The following NFATC1 variants were observed in gnomAD, a reference collection of about 807,000 sequenced individuals.
NFATC1 encodes the protein nuclear factor of activated T cells 1, also known as nuclear factor of activated T-cells, cytoplasmic 1.
NFATC1 carries 22 observed loss-of-function variants against 76.0 expected under a neutral mutation model. That is an observed-to-expected ratio of 0.29 (90% CI 0.21 to 0.41). The LOEUF (loss-of-function observed/expected upper bound fraction) is 0.41, where lower values mean the gene tolerates loss of function less well. Ranked by LOEUF, NFATC1 falls within the 10% of genes least tolerant of loss-of-function variation. The pLI, the probability that NFATC1 is intolerant of heterozygous loss-of-function variation, is 1.00. For synonymous variants in NFATC1, 704 were observed against 613.1 expected (o/e 1.15, Z -2.19); for missense variants, 1,357 against 1,337.7 (o/e 1.01, Z -0.23).
At chr18:79,402,767 C>G (rs1408996333) in intron 1 of NFATC1, among the ~76,000 whole-genome samples, 1 of 152,074 alleles carries the variant, frequency 6.6e-6, no homozygotes, top group Non-Finnish European at 1.5e-5. Flanking sequence ...TTTCTCCTTT[C>G]TTTTTATTAC....
Position 79,528,589 on chromosome 18 carries a change from T to C in NFATC1, c.*1012T>C, listed in dbSNP as rs977358634. The C allele has an allele frequency of 6.6e-6, 1 of 152,240 alleles. No individual in the cohort carries two copies. The highest frequency in any genetic ancestry group is 1.5e-5 in the Non-Finnish European group (1 of 68,044). 9.4% of individuals were successfully genotyped at this position (152,240 alleles called of 1,614,324 possible). The stretch of plus-strand genomic sequence containing the variant: ...GACCCTAGAAAGCCAGGAGCTGTGA[T>C]TGACAGTAGCTGTAGGTTACCAGAC... On this transcript the variant is annotated 3_prime_UTR_variant, in exon 10 of 10. Coordinates refer to ENST00000427363, the MANE Select transcript of NFATC1 (RefSeq NM_001278669.2).
chr18:79,464,669 T>TAC (rs1555911925), intron 7 of NFATC1, among the ~76,000 whole-genome samples: 57 of 122,290 alleles, frequency 4.7e-4, no homozygotes, highest in African/African-American at 1.9e-3. Context: ...TGTGTGTGTG[T>TAC]GTATATGTAT....
At chr18:79,487,072 C>T (rs1350303164) in intron 9 of NFATC1, 135 bp downstream of exon 9, 3 of 1,049,202 alleles carry the variant, frequency 2.9e-6, no homozygotes, top group East Asian at 5.6e-5. Flanking sequence ...TGGGGTGCGT[C>T]CTCCTGATAT....
intron 8 of NFATC1, 46 bp downstream of exon 8, chr18:79,467,628 G>C: frequency 3.7e-6 from 6 of 1,603,798 alleles, no homozygotes; most frequent in Non-Finnish European, 5.1e-6. Context: ...GAGCGCGTGG[G>C]GTGCTTTTTC....
intron 6 of NFATC1, among the ~76,000 whole-genome samples, chr18:79,461,082 A>G (rs2088046500): frequency 6.6e-6 from 1 of 152,194 alleles, no homozygotes; most frequent in Non-Finnish European, 1.5e-5. Context: ...GCGTGTCCTC[A>G]GCTTCTCCAG....
In NFATC1 at chr18:79,411,493, C is replaced by G; in HGVS notation, c.1218C>G (p.Ser406=). 1 of 1,492,112 alleles carries G rather than the reference C, an allele frequency of 6.7e-7. No individual in the cohort carries two copies. Among genetic ancestry groups the G allele is most frequent in the Non-Finnish European group, 8.9e-7 (1 of 1,122,586 alleles). 92.4% of individuals were successfully genotyped at this position (1,492,112 alleles called of 1,614,324 possible). A position where few individuals can be genotyped will look rare whatever the true frequency, so the allele number is the denominator to read the frequency against. Residue 406 remains serine, a synonymous_variant, in exon 2 of 10, where the codon TCC becomes TCG. Coordinates refer to ENST00000427363, the MANE Select transcript of NFATC1 (RefSeq NM_001278669.2). The part of the protein sequence containing the change: ...WAKPKPLSPT[S]YMSPTLPALD... Reference sequence around the variant, plus strand: ...AGCCCAAGCCCCTGTCCCCTACGTCCTACATGAGGTGAGCCGGCAGCGCGG... The same window carrying G: ...AGCCCAAGCCCCTGTCCCCTACGTCGTACATGAGGTGAGCCGGCAGCGCGG...
intron 3 of NFATC1, among the ~76,000 whole-genome samples, chr18:79,443,271 G>A (rs573212141): frequency 6.6e-6 from 1 of 152,304 alleles, no homozygotes; most frequent in East Asian, 1.9e-4. Flanking sequence ...CTTGTGCACC[G>A]CGCGTATGGA....
intron 9 of NFATC1, among the ~76,000 whole-genome samples, chr18:79,490,032 G>T (rs2089630897): frequency 6.6e-6 from 1 of 152,230 alleles, no homozygotes; most frequent in Non-Finnish European, 1.5e-5. Context: ...GCTCAGCCAG[G>T]ACCACAGCAG....
At chr18:79,520,239 T>C (rs1272127981) in intron 9 of NFATC1, among the ~76,000 whole-genome samples, 1 of 151,880 alleles carries the variant, frequency 6.6e-6, no homozygotes, top group Non-Finnish European at 1.5e-5. Context: ...GGACGAAATG[T>C]TGGAGCTGGA....
chr18:79,419,283 C>G (rs2085984998), intron 2 of NFATC1, among the ~76,000 whole-genome samples: 1 of 152,228 alleles, frequency 6.6e-6, no homozygotes, highest in Admixed American at 6.5e-5. Context: ...CCTGTCCTCT[C>G]AAAGTGCTGG....
chr18:79,450,554 G>A (rs1045490769), intron 4 of NFATC1, among the ~76,000 whole-genome samples: 1 of 152,078 alleles, frequency 6.6e-6, no homozygotes, highest in Non-Finnish European at 1.5e-5. Context: ...CCCCTGGGCC[G>A]CTCTCTGCCG....
chr18:79,447,481 C>A (rs1676566540), intron 3 of NFATC1, among the ~76,000 whole-genome samples: 2 of 152,254 alleles, frequency 1.3e-5, no homozygotes, highest in African/African-American at 4.8e-5. Context: ...AAAATCGACT[C>A]CAAACGTGAT....
At chr18:79,415,470 G>A (rs1032714622) in intron 2 of NFATC1, among the ~76,000 whole-genome samples, 45 of 151,914 alleles carry the variant, frequency 3.0e-4, no homozygotes, top group African/African-American at 1.1e-3. Flanking sequence ...TTTTAGTAGA[G>A]ATGGGGTTTC....
At chr18:79,423,901 G>A (rs546245374) in intron 2 of NFATC1, among the ~76,000 whole-genome samples, 4 of 152,306 alleles carry the variant, frequency 2.6e-5, no homozygotes, top group African/African-American at 7.2e-5. Context: ...AGGGTTGGAC[G>A]GGAGCCAGCC....
intron 3 of NFATC1, among the ~76,000 whole-genome samples, chr18:79,445,748 C>G (rs1346740055): frequency 6.6e-6 from 1 of 152,196 alleles, no homozygotes; most frequent in Admixed American, 6.5e-5. Flanking sequence ...TGGAGAGAAG[C>G]CTGACTCCAG....
chr18:79,469,648 C>T, intron 8 of NFATC1: 1 of 985,922 alleles, frequency 1.0e-6, no homozygotes, highest in Non-Finnish European at 1.2e-6. Flanking sequence ...CCTCCACCCC[C>T]CATCTGCTCC....
intron 2 of NFATC1, among the ~76,000 whole-genome samples, chr18:79,424,212 T>C (rs965480282): frequency 1.3e-5 from 2 of 152,116 alleles, no homozygotes; most frequent in Non-Finnish European, 2.9e-5. Context: ...CGCCGCACTA[T>C]CACCGAGAAA....
In NFATC1 at chr18:79,461,320, A is replaced by G. The variant is rs781390422; in HGVS notation, c.1913A>G (p.His638Arg). The G allele has an allele frequency of 1.7e-5, 26 of 1,534,942 alleles. No homozygotes were observed. Among genetic ancestry groups the G allele is most frequent in the Admixed American group, 3.6e-5 (2 of 55,612 alleles). Reference protein sequence around the residue: ...IFVEKAPDGHHVWEMEAKTDR... With the variant: ...IFVEKAPDGHRVWEMEAKTDR... The stretch of plus-strand genomic sequence containing the variant: ...TGCTCCTTTCTTCCAGATGGCCACC[A>G]TGTCTGGGAGATGGAAGCGAAAACT... The change falls in exon 7 of 10, where the codon CAT becomes CGT. Residue 638 changes from histidine to arginine, a missense_variant. This residue lies in a region of NFATC1 where 242 missense variants were observed against 329.2 expected (regional missense o/e 0.74). Transcript: ENST00000427363.
At chr18:79,399,843 G>A (rs1261395953) in intron 1 of NFATC1, among the ~76,000 whole-genome samples, 1 of 152,170 alleles carries the variant, frequency 6.6e-6, no homozygotes, top group Non-Finnish European at 1.5e-5. Flanking sequence ...TGAAATCGGG[G>A]TTCCTAGCGT....
Sources: gnomAD v4.1 joint callset for allele counts (sites outside exome capture counted in the v4.1 genomes callset) on GRCh38, gnomAD v4.1.1 for gene constraint, gnomAD v4.1.1 regional missense constraint, MANE v1.5 for transcripts, NCBI Gene and HGNC (gene_info 2026-07-23, HGNC 2026-07-21) for gene names.